The following CS variants were observed in gnomAD, a reference collection of about 807,000 sequenced individuals.
CS encodes the protein citrate synthase, mitochondrial.
CS carries 13 observed loss-of-function variants against 61.4 expected under a neutral mutation model. That is an observed-to-expected ratio of 0.21 (90% CI 0.14 to 0.34). CS has a LOEUF of 0.34. Ranked by LOEUF, CS falls within the 10% of genes least tolerant of loss-of-function variation. CS has a pLI of 1.00. For missense variants in CS, 278 were observed against 573.4 expected, an observed-to-expected ratio of 0.48 and a Z score of 5.26; for synonymous variants, 159 against 215.2, an observed-to-expected ratio of 0.74 and a Z score of 2.29.
At chr12:56,276,230 G>C (rs773096230) in intron 6 of CS, 35 bp from the exon 7 acceptor site, 1 of 1,586,072 alleles carries the variant, frequency 6.3e-7, no homozygotes. Flanking sequence ...GAAAAAAAAA[G>C]GAATTATCAG....
At chr12:56,287,645 T>C (rs998299996) in intron 1 of CS, among the ~76,000 whole-genome samples, 5 of 151,682 alleles carry the variant, frequency 3.3e-5, no homozygotes, top group African/African-American at 9.7e-5. Flanking sequence ...ACTTTGTGAG[T>C]TTTCTTTTTC....
intron 9 of CS, 186 bp from the exon 10 acceptor site, chr12:56,273,982 C>A: frequency 1.2e-5 from 7 of 562,246 alleles, no homozygotes; most frequent in East Asian, 3.1e-5. Flanking sequence ...CACAGGTGCA[C>A]ACCAACACAT....
chr12:56,287,589 T>C (rs1455182106), intron 1 of CS, among the ~76,000 whole-genome samples: 2 of 147,132 alleles, frequency 1.4e-5, no homozygotes, highest in African/African-American at 2.5e-5. Context: ...AAATAAAAAA[T>C]ACATCTGTGA....
At position 56,276,049 on chromosome 12, in the gene CS, G is replaced by A; in HGVS notation, c.735C>T (p.Gly245=). 1 of 1,614,160 alleles carries A rather than the reference G, an allele frequency of 6.2e-7. No individual in the cohort carries two copies. The highest frequency in any genetic ancestry group is 8.5e-7 in the Non-Finnish European group (1 of 1,180,042). ...DWSHNFTNML[G]YTDHQFTELT... Reference sequence around the variant, plus strand: ...GCTCAGTGAACTGATGATCAGTATAGCCTAACATGTTGGTGAAATTGTGAG... The same window carrying A: ...GCTCAGTGAACTGATGATCAGTATAACCTAACATGTTGGTGAAATTGTGAG... The change falls in exon 7 of 11, where the codon GGC becomes GGT. Residue 245 remains glycine (G), a synonymous_variant. Coordinates refer to ENST00000351328, the MANE Select transcript of CS (RefSeq NM_004077.3).
At chr12:56,279,765 C>CAA (rs1395153541) in intron 6 of CS, among the ~76,000 whole-genome samples, 1 of 134,960 alleles carries the variant, frequency 7.4e-6, no homozygotes, top group Admixed American at 7.6e-5. Flanking sequence ...GACTCCATCT[C>CAA]AAAAAAAAAA....
Position 56,276,093 on chromosome 12 carries a change from C to G in CS, c.691G>C (p.Asp231His). 1 of 1,614,126 alleles carries G rather than the reference C, an allele frequency of 6.2e-7. No homozygotes were observed. Among genetic ancestry groups the G allele is most frequent in the African/African-American group, 1.3e-5 (1 of 75,028 alleles). Residue 231 changes from aspartate (D) to histidine (H), a missense_variant, in exon 7 of 11, where the codon GAC becomes CAC. By Grantham distance (81) the Asp-to-His change is moderately conservative. This residue lies in a region of CS where 223 missense variants were observed against 503.5 expected (regional missense o/e 0.44). Coordinates refer to ENST00000351328, the MANE Select transcript of CS (RefSeq NM_004077.3). ...TTGTGAGACCAGTCCAGGTTAGAGT[C>G]AATGGCCCCAATACCGCTGCCTTCT... Reference protein sequence around the residue: ...YREGSGIGAIDSNLDWSHNFT... With the variant: ...YREGSGIGAIHSNLDWSHNFT...
intron 4 of CS, 68 bp from the exon 5 acceptor site, chr12:56,283,059 C>A: frequency 6.5e-7 from 1 of 1,545,428 alleles, no homozygotes; most frequent in Non-Finnish European, 8.9e-7. Flanking sequence ...TGGTCTTACT[C>A]ATCAGACCTT....
rs1003904834 is a variant in CS, at chr12:56,297,626, C to T, written c.42+2534G>A. On this transcript the variant is annotated intron_variant, in intron 1 of 10. Transcript: ENST00000351328. ...GGCTGAGTCACGAGAATCGCTTGAG[C>T]CTGGGAGGCAGAGGTTACAGTGAGC... 6.6e-5 allele frequency among the ~76,000 whole-genome samples: 10 copies of T among 152,224 alleles called. No homozygotes were observed. The East Asian group carries it at 9.6e-4, about 15-fold the overall frequency.
intron 2 of CS, chr12:56,286,373 A>G (rs1565622038): frequency 1.8e-6 from 1 of 546,810 alleles, no homozygotes; most frequent in Non-Finnish European, 3.2e-6. Flanking sequence ...ATTTAAAAGA[A>G]TTAGGCAAAT....
At chr12:56,281,316 T>C (rs1002507833) in intron 6 of CS, among the ~76,000 whole-genome samples, 1 of 152,236 alleles carries the variant, frequency 6.6e-6, no homozygotes, top group African/African-American at 2.4e-5. Context: ...GTACTATGCA[T>C]TGGGATAAGA....
In CS at chr12:56,297,860, C is replaced by CA. The variant is rs1458581322; in HGVS notation, c.42+2299dup. ...TACCAATTATGACTAGCATTATCCA[C>CA]AGGCTAATCTAGAAAGCACAGGCAG... On this transcript the variant is annotated intron_variant, in intron 1 of 10. Coordinates refer to ENST00000351328, the MANE Select transcript of CS (RefSeq NM_004077.3). Among the ~76,000 whole-genome samples the CA allele has an allele frequency of 7.9e-5, 12 of 152,308 alleles. No homozygotes were observed. The East Asian group carries it at 2.3e-3, about 29-fold the overall frequency.
Position 56,273,245 on chromosome 12 carries a change from T to G in CS, c.1240A>C (p.Met414Leu), listed in dbSNP as rs1170565086. ...ACCGTGTAGTAATTCATCTCCGTCA[T>G]GCCATAATACTGTAAGGTAGAAGAG... The part of the protein sequence containing the change: ...HSGVLLQYYG[M>L]TEMNYYTVLF... Residue 414 changes from methionine (M) to leucine (L), a missense_variant, in exon 11 of 11, where the codon ATG becomes CTG. Physicochemically the swap from Met to Leu is conservative, Grantham distance 15. Around this residue, in one of 2 missense-constraint regions of CS, gnomAD observed 223 missense variants for 503.5 expected, o/e 0.44. Transcript: ENST00000351328. 1.9e-6 allele frequency: 3 copies of G among 1,614,148 alleles called. No homozygotes were observed. The highest frequency in any genetic ancestry group is 1.3e-5 in the African/African-American group (1 of 75,074).
At chr12:56,287,479 CAAAAAAAAAAAAAAAA>C (rs61199207) in intron 1 of CS, among the ~76,000 whole-genome samples, 17 of 44,738 alleles carry the variant, frequency 3.8e-4, no homozygotes, top group South Asian at 3.5e-3. Flanking sequence ...AAGACTCTGT[CAAAAAAAAAAAAAAAA>C]AAAAAAAAAA....
rs1872533864 is a variant in CS, at chr12:56,272,143, C to A, written c.*941G>T. ...CCTGTTCAAAAAGAGGTGCTAATACCCCGGGGACAAGACTCTGAAAATATC... is the reference window on the plus strand; with the variant it reads ...CCTGTTCAAAAAGAGGTGCTAATACACCGGGGACAAGACTCTGAAAATATC... On this transcript the variant is annotated 3_prime_UTR_variant, in exon 11 of 11. Coordinates refer to ENST00000351328, the MANE Select transcript of CS (RefSeq NM_004077.3). 1 of 295,038 alleles carries A rather than the reference C, an allele frequency of 3.4e-6. No homozygotes were observed. The highest frequency in any genetic ancestry group is 6.7e-6 in the Non-Finnish European group (1 of 149,178). The allele number at this position is 295,038 out of a possible 1,614,324, so 18.3% of individuals were successfully genotyped here. A position where few individuals can be genotyped will look rare whatever the true frequency, so the allele number is the denominator to read the frequency against.
chr12:56,279,752 C>G (rs1033659775), intron 6 of CS, among the ~76,000 whole-genome samples: 3 of 148,636 alleles, frequency 2.0e-5, no homozygotes, highest in Non-Finnish European at 4.4e-5. Flanking sequence ...GGCAACAGAG[C>G]GAGACTCCAT....
chr12:56,300,291 CGCCGACGGGT>C lies in CS; in HGVS notation c.-100_-91del, dbSNP rs1873450931. 1 of 1,371,508 alleles carries C rather than the reference CGCCGACGGGT, an allele frequency of 7.3e-7. No homozygotes were observed. 85.0% of individuals were successfully genotyped at this position (1,371,508 alleles called of 1,614,324 possible). A position where few individuals can be genotyped will look rare whatever the true frequency, so the allele number is the denominator to read the frequency against. ...GCCGCCGCCGCTGCACCAGAGGCCG[CGCCGACGGGT>C]TGACAAGGTTGAAAGGAGGCGGCTG... On this transcript the variant is annotated 5_prime_UTR_variant, in exon 1 of 11. Coordinates refer to ENST00000351328, the MANE Select transcript of CS (RefSeq NM_004077.3).
intron 1 of CS, among the ~76,000 whole-genome samples, chr12:56,290,016 C>T (rs1474258540): frequency 2.6e-5 from 4 of 152,002 alleles, no homozygotes; most frequent in East Asian, 1.9e-4. Context: ...GCCTCAGCCT[C>T]GCGAGTAGCC....
intron 1 of CS, among the ~76,000 whole-genome samples, chr12:56,296,153 A>G (rs886205691): frequency 6.6e-6 from 1 of 151,746 alleles, no homozygotes; most frequent in Non-Finnish European, 1.5e-5. Flanking sequence ...CTTTTAAAAT[A>G]GCATCATGTT....
chr12:56,294,473 CAAA>C (rs1227364181), intron 1 of CS, among the ~76,000 whole-genome samples: 1 of 36,918 alleles, frequency 2.7e-5, no homozygotes, highest in African/African-American at 1.1e-4. Context: ...GACTCTGTCT[CAAA>C]AAAAAAAAAA....
Sources: allele counts gnomAD v4.1 joint callset (sites outside exome capture counted in the v4.1 genomes callset), GRCh38; gene constraint gnomAD v4.1.1; regional missense constraint gnomAD v4.1.1; transcripts MANE v1.5; gene names NCBI Gene and HGNC (gene_info 2026-07-23, HGNC 2026-07-21).